Variants in ANKRD31 observed in about 807,000 individuals in gnomAD.
ANKRD31 encodes the protein ankyrin repeat domain 31, also known as ankyrin repeat domain-containing protein 31.
ANKRD31 carries 147 observed loss-of-function variants against 186.0 expected under a neutral mutation model. The ratio of observed to expected loss-of-function variants is 0.79; its 90% confidence interval spans 0.69 to 0.91. The LOEUF (loss-of-function observed/expected upper bound fraction) is 0.91, where lower values mean the gene tolerates loss of function less well. ANKRD31 is among the 40% of genes least tolerant of loss of function. ANKRD31 has a pLI of 0.00. For missense variants in ANKRD31, 1,986 were observed against 2,148.8 expected (o/e 0.92, Z 1.50); for synonymous variants, 673 against 736.4 (o/e 0.91, Z 1.39).
intron 18 of ANKRD31, 95 bp downstream of exon 18, chr5:75,118,040 T>C: frequency 3.1e-6 from 3 of 963,448 alleles, no homozygotes; most frequent in Non-Finnish European, 4.2e-6. Flanking sequence ...GACACATCTA[T>C]CCCAGTTATG....
At chr5:75,129,885 G>A (rs943897677) in intron 17 of ANKRD31, among the ~76,000 whole-genome samples, 6 of 152,174 alleles carry the variant, frequency 3.9e-5, no homozygotes, top group Non-Finnish European at 8.8e-5. Context: ...TCCTAGCCAA[G>A]GGAAGCCATG....
intron 4 of ANKRD31, among the ~76,000 whole-genome samples, chr5:75,207,265 A>T (rs75496473): frequency 1.3e-5 from 2 of 152,182 alleles, no homozygotes; most frequent in African/African-American, 4.8e-5. Flanking sequence ...AGCTGTCTTC[A>T]GATAAAAATG....
At position 75,104,734 on chromosome 5, in the gene ANKRD31, A is replaced by AAGC. The variant is rs1442911286; in HGVS notation, c.4822_4824dup (p.Ala1608dup). The AAGC allele has an allele frequency of 2.0e-6, 3 of 1,537,114 alleles. No homozygotes were observed. Among genetic ancestry groups the AAGC allele is most frequent in the Non-Finnish European group, 2.6e-6 (3 of 1,146,900 alleles). ...TGTGAATATTCTGTTTGACCAATAA[A>AAGC]AGCAACAGGTTGGGATGGTAATTTA... On this transcript the variant is annotated inframe_insertion, in exon 22 of 26. Transcript: ENST00000506364.
At chr5:75,151,367 C>T (rs1173684402) in intron 12 of ANKRD31, among the ~76,000 whole-genome samples, 1 of 151,968 alleles carries the variant, frequency 6.6e-6, no homozygotes, top group Non-Finnish European at 1.5e-5. Flanking sequence ...CTCCCATAAT[C>T]CCCATGTGTC....
chr5:75,106,476 T>C (rs1193558137), intron 21 of ANKRD31, among the ~76,000 whole-genome samples: 1 of 152,054 alleles, frequency 6.6e-6, no homozygotes, highest in Non-Finnish European at 1.5e-5. Flanking sequence ...AAACAACTGG[T>C]AGCATAAAAT....
chr5:75,214,068 C>G (rs1756813970), intron 3 of ANKRD31, among the ~76,000 whole-genome samples: 1 of 152,216 alleles, frequency 6.6e-6, no homozygotes, highest in African/African-American at 2.4e-5. Flanking sequence ...GGTACCCAAA[C>G]TTGGTCATGT....
intron 23 of ANKRD31, among the ~76,000 whole-genome samples, chr5:75,087,998 T>C (rs1265856595): frequency 6.6e-6 from 1 of 152,230 alleles, no homozygotes; most frequent in Non-Finnish European, 1.5e-5. Flanking sequence ...TGGATATTTG[T>C]ATTTTAAAAG....
intron 19 of ANKRD31, among the ~76,000 whole-genome samples, chr5:75,116,115 T>C (rs1213874706): frequency 1.3e-5 from 2 of 151,234 alleles, no homozygotes; most frequent in Non-Finnish European, 2.9e-5. Context: ...TGTAGGGACA[T>C]GGATGAAATT....
At position 75,104,333 on chromosome 5, in the gene ANKRD31, A is replaced by G; in HGVS notation, c.5226T>C (p.Ala1742=). The G allele has an allele frequency of 6.5e-7, 1 of 1,537,250 alleles. No individual in the cohort carries two copies. The highest frequency in any genetic ancestry group is 8.7e-7 in the Non-Finnish European group (1 of 1,146,894). ...TTTTAGGAGCTGTACTGTAGTTTAA[A>G]GCCTTTTTTATTGTATCTTGTTGCC... ...GSGQQDTIKK[A]LNYSTAPKKK... is the part of the protein sequence containing the mutation. The change falls in exon 22 of 26, where the codon GCT becomes GCC. Residue 1742 remains alanine (A), a synonymous_variant. Coordinates refer to ENST00000506364, the MANE Select transcript of ANKRD31 (RefSeq NM_001372053.1).
chr5:75,170,209 A>G (rs908391663), intron 10 of ANKRD31, among the ~76,000 whole-genome samples: 1 of 152,170 alleles, frequency 6.6e-6, no homozygotes, highest in African/African-American at 2.4e-5. Flanking sequence ...ATATGTATTC[A>G]ATGTCCTCAT....
chr5:75,142,628 C>T (rs763876642), intron 15 of ANKRD31, among the ~76,000 whole-genome samples: 6 of 152,012 alleles, frequency 3.9e-5, no homozygotes, highest in Non-Finnish European at 7.4e-5. Flanking sequence ...AAATACTTGT[C>T]GATTCTTGAC....
At chr5:75,133,348 A>AG (rs1750045903) in intron 17 of ANKRD31, among the ~76,000 whole-genome samples, 2 of 152,110 alleles carry the variant, frequency 1.3e-5, no homozygotes, top group Admixed American at 1.3e-4. Flanking sequence ...AAAAAAAAAA[A>AG]CAAGTATTGC....
intron 15 of ANKRD31, among the ~76,000 whole-genome samples, chr5:75,142,960 G>A (rs1044642458): frequency 1.3e-5 from 2 of 152,138 alleles, no homozygotes; most frequent in African/African-American, 2.4e-5. Context: ...CACAAACTGG[G>A]TGACTTAAAA....
At chr5:75,120,398 A>G (rs143828173) in intron 17 of ANKRD31, among the ~76,000 whole-genome samples, 4 of 152,290 alleles carry the variant, frequency 2.6e-5, no homozygotes, top group Non-Finnish European at 5.9e-5. Context: ...GTATAAGTCA[A>G]TTAGTGAAAA....
intron 10 of ANKRD31, among the ~76,000 whole-genome samples, chr5:75,186,254 T>C (rs1485575353): frequency 6.6e-6 from 1 of 152,176 alleles, no homozygotes; most frequent in Non-Finnish European, 1.5e-5. Context: ...GAAATCTCCT[T>C]AAAAAATGAA....
At chr5:75,115,477 C>T (rs1322714264) in intron 19 of ANKRD31, among the ~76,000 whole-genome samples, 1 of 151,356 alleles carries the variant, frequency 6.6e-6, no homozygotes, top group Non-Finnish European at 1.5e-5. Flanking sequence ...AGGCAACCTA[C>T]AAAATGGGAG....
intron 12 of ANKRD31, among the ~76,000 whole-genome samples, chr5:75,149,023 T>C (rs960147570): frequency 2.6e-5 from 4 of 151,930 alleles, no homozygotes; most frequent in Non-Finnish European, 5.9e-5. Flanking sequence ...TCTCCTAATA[T>C]GCCTGCTTAA....
intron 3 of ANKRD31, among the ~76,000 whole-genome samples, chr5:75,220,421 C>T (rs910837629): frequency 6.6e-6 from 1 of 152,166 alleles, no homozygotes; most frequent in East Asian, 1.9e-4. Flanking sequence ...GGGTGGATCA[C>T]CTGAGGTCGA....
chr5:75,154,872 C>G (rs985024771), intron 11 of ANKRD31, among the ~76,000 whole-genome samples: 4 of 152,120 alleles, frequency 2.6e-5, no homozygotes, highest in African/African-American at 7.2e-5. Flanking sequence ...CAATCTATTA[C>G]TACTGTTACT....
Sources: allele counts gnomAD v4.1 joint callset (sites outside exome capture counted in the v4.1 genomes callset), GRCh38; gene constraint gnomAD v4.1.1; transcripts MANE v1.5; gene names NCBI Gene and HGNC (gene_info 2026-07-23, HGNC 2026-07-21).